Variants in SGCG observed in about 807,000 individuals in gnomAD.
SGCG encodes sarcoglycan gamma, also known as gamma-sarcoglycan.
SGCG carries 26 observed loss-of-function variants against 29.3 expected under a neutral mutation model. That is an observed-to-expected ratio of 0.89 (90% CI 0.65 to 1.23). The LOEUF is 1.23. Among genes scored for constraint, SGCG ranks in the 50% most tolerant of loss-of-function variants. The probability of loss-of-function intolerance (pLI) is 0.00; values close to 1 mark genes in which losing one functional copy is unlikely to be tolerated. For synonymous variants in SGCG, 145 were observed against 129.7 expected (o/e 1.12, Z -0.80); for missense variants, 353 against 356.0 (o/e 0.99, Z 0.07).
intron 3 of SGCG, among the ~76,000 whole-genome samples, chr13:23,248,797 C>G (rs1407710432): frequency 1.3e-5 from 2 of 151,774 alleles, no homozygotes; most frequent in Non-Finnish European, 2.9e-5. Context: ...TCGAGACCAT[C>G]TTGGCTAACA....
chr13:23,247,368 G>A (rs1207681712), intron 3 of SGCG, among the ~76,000 whole-genome samples: 3 of 152,146 alleles, frequency 2.0e-5, no homozygotes, highest in Non-Finnish European at 4.4e-5. Context: ...CTTCTGGCTG[G>A]TAGGGTGGGG....
the SGCG span, among the ~76,000 whole-genome samples, chr13:23,168,913 T>C: frequency 6.6e-6 from 1 of 152,132 alleles, no homozygotes; most frequent in East Asian, 1.9e-4. Flanking sequence ...AGTAATATGG[T>C]TTAATTTGCA....
At chr13:23,266,292 A>G (rs571247491) in intron 4 of SGCG, among the ~76,000 whole-genome samples, 3 of 138,340 alleles carry the variant, frequency 2.2e-5, no homozygotes, top group African/African-American at 7.5e-5. Flanking sequence ...AAAGTGCTAT[A>G]TCACATATAT....
At chr13:23,170,893 T>G in the SGCG span, among the ~76,000 whole-genome samples, 1 of 152,178 alleles carries the variant, frequency 6.6e-6, no homozygotes, top group Non-Finnish European at 1.5e-5. Flanking sequence ...CTGTGTGTGG[T>G]CAAGCCTAAT....
At chr13:23,201,022 G>A (rs1877730184) in intron 1 of SGCG, among the ~76,000 whole-genome samples, 2 of 152,228 alleles carry the variant, frequency 1.3e-5, no homozygotes, top group African/African-American at 4.8e-5. Context: ...CAGAGGTGGG[G>A]CATGAGCCGA....
intron 3 of SGCG, among the ~76,000 whole-genome samples, chr13:23,238,429 G>C (rs1879389839): frequency 6.6e-6 from 1 of 152,186 alleles, no homozygotes; most frequent in Non-Finnish European, 1.5e-5. Context: ...CACTCTAAGG[G>C]AGCAGAAGGA....
At chr13:23,177,475 T>C (rs143334971), upstream of SGCG, among the ~76,000 whole-genome samples, 381 of 152,216 alleles carry the variant, frequency 2.5e-3, 1 homozygote, top group African/African-American at 8.8e-3. Context: ...TATACATGTA[T>C]TGAAGTATCA....
intron 4 of SGCG, among the ~76,000 whole-genome samples, chr13:23,278,510 A>G (rs1255288861): frequency 6.6e-6 from 1 of 151,998 alleles, no homozygotes; most frequent in African/African-American, 2.4e-5. Flanking sequence ...TTTCTTAAGT[A>G]GATGATGAAG....
rs71100163 is a variant in SGCG, at chr13:23,269,838, G to GTTT, written c.386-9512_386-9510dup. Among the ~76,000 whole-genome samples, 142 of 124,804 alleles carry GTTT rather than the reference G, an allele frequency of 1.1e-3. 2 individuals carry two copies. In the East Asian group the frequency reaches 0.014, roughly 12 times the overall value. 81.9% of individuals were successfully genotyped at this position (124,804 alleles called of 152,430 possible). A position where few individuals can be genotyped will look rare whatever the true frequency, so the allele number is the denominator to read the frequency against. On this transcript the variant is annotated intron_variant, in intron 4 of 7. Transcript: ENST00000218867. Reference sequence around the variant, plus strand: ...AGAGTAACAATTGCATATGTATTTTGTTTTTTTTTTTGGTTTGCTTTTTTT... The same window carrying GTTT: ...AGAGTAACAATTGCATATGTATTTTGTTTTTTTTTTTTTTGGTTTGCTTTTTTT...
At chr13:23,211,197 A>C (rs866043937) in intron 2 of SGCG, among the ~76,000 whole-genome samples, 2 of 152,182 alleles carry the variant, frequency 1.3e-5, no homozygotes, top group Non-Finnish European at 2.9e-5. Flanking sequence ...ATATTGTGAC[A>C]TTCTTCCTGG....
At chr13:23,289,272 C>T (rs1881610251) in intron 5 of SGCG, among the ~76,000 whole-genome samples, 1 of 152,212 alleles carries the variant, frequency 6.6e-6, no homozygotes, top group Non-Finnish European at 1.5e-5. Flanking sequence ...CCAATTAAAA[C>T]AGGCTTAAAC....
chr13:23,300,832 A>AG (rs369393372), intron 6 of SGCG, among the ~76,000 whole-genome samples: 10,548 of 131,130 alleles, frequency 0.08, 724 homozygotes, highest in Middle Eastern at 0.14. Flanking sequence ...AAAAAAAAAA[A>AG]GGGCCGGGCG....
chr13:23,291,847 A>G (rs1334287561), intron 5 of SGCG, among the ~76,000 whole-genome samples: 2 of 152,198 alleles, frequency 1.3e-5, no homozygotes, highest in African/African-American at 4.8e-5. Context: ...GAAATGGGTC[A>G]TTTTGTCATA....
At chr13:23,225,155 T>C (rs1593183245) in intron 2 of SGCG, among the ~76,000 whole-genome samples, 2 of 152,172 alleles carry the variant, frequency 1.3e-5, no homozygotes, top group Non-Finnish European at 2.9e-5. Context: ...TGTTGGTAGG[T>C]TGAATGGTGA....
At chr13:23,235,450 T>A (rs901037918) in intron 3 of SGCG, among the ~76,000 whole-genome samples, 2 of 152,174 alleles carry the variant, frequency 1.3e-5, no homozygotes, top group African/African-American at 4.8e-5. Flanking sequence ...CAGATTATGA[T>A]CCTGTAAGAT....
intron 4 of SGCG, among the ~76,000 whole-genome samples, chr13:23,251,666 G>A (rs1879975215): frequency 6.6e-6 from 1 of 152,052 alleles, no homozygotes; most frequent in Non-Finnish European, 1.5e-5. Context: ...GCAGCTACTG[G>A]GGAGTCTGAG....
chr13:23,208,507 G>A (rs1878068034), intron 2 of SGCG, among the ~76,000 whole-genome samples: 1 of 152,128 alleles, frequency 6.6e-6, no homozygotes, highest in Admixed American at 6.5e-5. Context: ...AGAGCAAAAT[G>A]TTGACCAAGA....
the SGCG span, among the ~76,000 whole-genome samples, chr13:23,161,561 T>C: frequency 8.5e-5 from 13 of 152,232 alleles, no homozygotes; most frequent in Non-Finnish European, 1.9e-4. Flanking sequence ...CTTCCTTTGA[T>C]ATGAACAGAC....
chr13:23,279,404 C>G lies in SGCG; in HGVS notation c.431C>G (p.Ser144Cys). 1 of 1,613,354 alleles carries G rather than the reference C, an allele frequency of 6.2e-7. No homozygotes were observed. The highest frequency in any genetic ancestry group is 8.5e-7 in the Non-Finnish European group (1 of 1,179,470). ...EVQNQQFQIN[S>C]NDGKPLFTVD... ...CAGAATCAACAGTTTCAGATCAACT[C>G]CAACGACGGCAAGCCACTATTTACT... Residue 144 changes from serine to cysteine, a missense_variant, in exon 5 of 8, where the codon TCC (serine) becomes TGC (cysteine). Transcript: ENST00000218867.
Sources: gnomAD v4.1 joint callset for allele counts (sites outside exome capture counted in the v4.1 genomes callset) on GRCh38, gnomAD v4.1.1 for gene constraint, MANE v1.5 for transcripts, NCBI Gene and HGNC (gene_info 2026-07-23, HGNC 2026-07-21) for gene names.